Variants in KDM6A observed in about 807,000 individuals in gnomAD.
KDM6A encodes the protein lysine-specific demethylase 6A.
A neutral mutation model predicts 117.6 loss-of-function variants in KDM6A; 11 were observed. The ratio of observed to expected loss-of-function variants is 0.09; its 90% confidence interval spans 0.06 to 0.15. The LOEUF is 0.15. KDM6A is among the 10% of genes least tolerant of loss of function. The pLI, the probability that KDM6A is intolerant of heterozygous loss-of-function variation, is 1.00. For missense variants in KDM6A, 799 were observed against 1,077.3 expected (o/e 0.74, Z 3.62); for synonymous variants, 384 against 396.1 (o/e 0.97, Z 0.36).
At chrX:44,916,804 C>A (rs111401038) in intron 2 of KDM6A, among the ~76,000 whole-genome samples, 1 of 109,020 alleles carries the variant, frequency 9.2e-6, no homozygotes, top group Admixed American at 9.8e-5. Flanking sequence ...CACTACAACA[C>A]CTGACTAATT....
chrX:44,943,168 G>C (rs7892179), intron 2 of KDM6A, among the ~76,000 whole-genome samples: 8,005 of 110,509 alleles, frequency 0.072, 654 homozygotes, highest in African/African-American at 0.24. Context: ...GGAGATATTG[G>C]GAGTTTGGTT....
At chrX:45,107,030 A>G (rs2046555900) in intron 27 of KDM6A, 1 of 185,556 alleles carries the variant, frequency 5.4e-6, no homozygotes, top group Admixed American at 7.4e-5. Flanking sequence ...ATAGAAGTTC[A>G]TATCTGGAAT....
At chrX:45,043,778 GA>G (rs988457575) in intron 8 of KDM6A, among the ~76,000 whole-genome samples, 6 of 106,147 alleles carry the variant, frequency 5.7e-5, no homozygotes, top group African/African-American at 1.0e-4. Context: ...ACTGTTTAAA[GA>G]AAAAAAAAAT....
chrX:44,972,587 T>C (rs757287023), intron 3 of KDM6A, among the ~76,000 whole-genome samples: 57 of 111,521 alleles, frequency 5.1e-4, no homozygotes, highest in African/African-American at 1.9e-3. Flanking sequence ...GGTTCCTCAA[T>C]AGTTTACAAG....
At chrX:45,000,919 A>G (rs1188491232) in intron 4 of KDM6A, among the ~76,000 whole-genome samples, 3 of 113,347 alleles carry the variant, frequency 2.6e-5, no homozygotes, top group Non-Finnish European at 5.6e-5. Context: ...CTGGCCTGCT[A>G]TGCGCACAAG....
chrX:45,041,405 C>T (rs78203607), intron 8 of KDM6A, among the ~76,000 whole-genome samples: 169 of 101,243 alleles, frequency 1.7e-3, no homozygotes, highest in Non-Finnish European at 2.7e-3. Flanking sequence ...ACCTCCCGGA[C>T]GGGGCAGCTG....
intron 2 of KDM6A, among the ~76,000 whole-genome samples, chrX:44,933,391 G>A (rs1036507269): frequency 1.2e-4 from 11 of 92,096 alleles, no homozygotes; most frequent in Non-Finnish European, 1.0e-4. Flanking sequence ...CCTCAGCCTC[G>A]CAAGTAGCTG....
intron 4 of KDM6A, among the ~76,000 whole-genome samples, chrX:44,983,470 A>T (rs750292557): frequency 8.1e-5 from 9 of 110,888 alleles, no homozygotes; most frequent in Non-Finnish European, 1.5e-4. Flanking sequence ...CGTGCAGGTT[A>T]GTTACATATG....
intron 27 of KDM6A, among the ~76,000 whole-genome samples, chrX:45,091,404 A>G (rs1311949836): frequency 9.0e-6 from 1 of 111,634 alleles, no homozygotes; most frequent in Non-Finnish European, 1.9e-5. Flanking sequence ...TTGTTTTCAC[A>G]GTTTCTATCT....
chrX:45,024,757 T>G (rs1017703230), intron 6 of KDM6A, among the ~76,000 whole-genome samples: 2 of 112,327 alleles, frequency 1.8e-5, no homozygotes, highest in African/African-American at 6.5e-5. Context: ...TTCTAGAATT[T>G]ATATCTTACA....
intron 2 of KDM6A, among the ~76,000 whole-genome samples, 187 bp downstream of exon 2, chrX:44,874,174 C>T (rs1040074375): frequency 1.3e-4 from 15 of 111,816 alleles, no homozygotes; most frequent in Non-Finnish European, 2.8e-4. Context: ...TGCGAAATCG[C>T]TCTTTTCCTC....
At chrX:44,989,896 G>A (rs2040478125) in intron 4 of KDM6A, among the ~76,000 whole-genome samples, 1 of 111,792 alleles carries the variant, frequency 8.9e-6, no homozygotes, top group South Asian at 3.8e-4. Context: ...AAATATTTTA[G>A]GTTTTGTGTA....
intron 16 of KDM6A, among the ~76,000 whole-genome samples, chrX:45,063,151 T>G (rs1293686589): frequency 9.0e-6 from 1 of 110,985 alleles, no homozygotes; most frequent in African/African-American, 3.3e-5. Context: ...AATTTTCAGC[T>G]GCTTCCTTTT....
At chrX:45,042,960 T>C (rs1457007194) in intron 8 of KDM6A, among the ~76,000 whole-genome samples, 1 of 112,817 alleles carries the variant, frequency 8.9e-6, no homozygotes, top group Admixed American at 9.4e-5. Flanking sequence ...GCAAGTACAA[T>C]GGCTTTGTGG....
intron 2 of KDM6A, among the ~76,000 whole-genome samples, chrX:44,947,800 A>G (rs1164441948): frequency 8.9e-6 from 1 of 111,899 alleles, no homozygotes; most frequent in Admixed American, 9.5e-5. Flanking sequence ...TTTTACTTAG[A>G]TTGAAGGTGT....
At chrX:45,033,834 T>A (rs969286785) in intron 6 of KDM6A, among the ~76,000 whole-genome samples, 2 of 110,948 alleles carry the variant, frequency 1.8e-5, no homozygotes, top group African/African-American at 6.6e-5. Flanking sequence ...ATTACAGTCG[T>A]GAGCCACCGC....
intron 6 of KDM6A, among the ~76,000 whole-genome samples, chrX:45,027,487 G>A (rs1057509590): frequency 4.5e-5 from 5 of 111,538 alleles, no homozygotes; most frequent in Non-Finnish European, 7.5e-5. Context: ...TTAATCTTGA[G>A]TGGTTTGATT....
intron 2 of KDM6A, among the ~76,000 whole-genome samples, chrX:44,878,478 T>C (rs755243472): frequency 8.9e-6 from 1 of 112,291 alleles, no homozygotes; most frequent in East Asian, 2.8e-4. Flanking sequence ...GCAGTCTTAA[T>C]TTTTTACGTG....
At position 45,064,668 on chromosome X, in the gene KDM6A, A is replaced by G. The variant is rs189515627; in HGVS notation, c.2079+851A>G. On this transcript the variant is annotated intron_variant, in intron 17 of 29. Transcript: ENST00000611820. ...TAAGTTTTAAGAAAATGCTCTCAAT[A>G]TGTATAGCCAAATTGCTTGTACTTT... is the stretch of plus-strand genomic sequence containing the variant. 5.3e-3 allele frequency among the ~76,000 whole-genome samples: 592 copies of G among 112,192 alleles called. 9 individuals are homozygous for G. Among genetic ancestry groups the G allele is most frequent in the African/African-American group, 0.016 (492 of 30,876 alleles).
Sources: gnomAD v4.1 joint callset for allele counts (sites outside exome capture counted in the v4.1 genomes callset) on GRCh38, gnomAD v4.1.1 for gene constraint, MANE v1.5 for transcripts, NCBI Gene and HGNC (gene_info 2026-07-23, HGNC 2026-07-21) for gene names.